The following SEZ6L variants were observed in gnomAD, a reference collection of about 807,000 sequenced individuals.
The protein encoded by SEZ6L is seizure related 6 homolog like, also known as seizure 6-like protein.
A neutral mutation model predicts 106.2 loss-of-function variants in SEZ6L; 37 were observed. The ratio of observed to expected loss-of-function variants is 0.35; its 90% CI spans 0.27 to 0.46. SEZ6L has a LOEUF of 0.46. Ranked by LOEUF, SEZ6L falls within the 20% of genes least tolerant of loss-of-function variation. The probability of loss-of-function intolerance (pLI) is 1.00; values close to 1 mark genes in which losing one functional copy is unlikely to be tolerated. For synonymous variants in SEZ6L, 541 were observed against 570.4 expected (o/e 0.95, Z 0.73); for missense variants, 1,172 against 1,332.8 (o/e 0.88, Z 1.88).
intron 9 of SEZ6L, among the ~76,000 whole-genome samples, chr22:26,326,503 G>A (rs147929371): frequency 0.013 from 1,993 of 152,226 alleles, 40 homozygotes; most frequent in African/African-American, 0.044. Context: ...TTCTGAGCAC[G>A]TTACCTCTTA....
intron 1 of SEZ6L, among the ~76,000 whole-genome samples, chr22:26,266,398 A>C (rs2080181338): frequency 7.6e-6 from 1 of 131,502 alleles, no homozygotes; most frequent in Non-Finnish European, 1.6e-5. Flanking sequence ...GTCTCTACTA[A>C]AAAAAAAAAA....
intron 9 of SEZ6L, among the ~76,000 whole-genome samples, chr22:26,320,752 TCTAAG>T (rs1601492363): frequency 1.3e-5 from 2 of 152,192 alleles, no homozygotes; most frequent in East Asian, 3.9e-4. Flanking sequence ...AACAGTAAAG[TCTAAG>T]TCAGTTTTTC....
chr22:26,332,608 G>C (rs770984534), intron 9 of SEZ6L, among the ~76,000 whole-genome samples: 1 of 151,964 alleles, frequency 6.6e-6, no homozygotes, highest in East Asian at 1.9e-4. Context: ...CACCGTGCCC[G>C]GCTAATGTTT....
intron 1 of SEZ6L, among the ~76,000 whole-genome samples, chr22:26,199,363 A>G (rs1409107854): frequency 6.6e-6 from 1 of 152,176 alleles, no homozygotes; most frequent in African/African-American, 2.4e-5. Context: ...TGTTTTTTTC[A>G]GAATAGAAAG....
chr22:26,303,262 T>A (rs1238630394), intron 5 of SEZ6L, among the ~76,000 whole-genome samples: 1 of 152,192 alleles, frequency 6.6e-6, no homozygotes, highest in African/African-American at 2.4e-5. Flanking sequence ...TTGCTGTAGG[T>A]CACAACACAG....
intron 16 of SEZ6L, among the ~76,000 whole-genome samples, chr22:26,380,006 A>C (rs1457691500): frequency 6.6e-6 from 1 of 152,200 alleles, no homozygotes; most frequent in Non-Finnish European, 1.5e-5. Context: ...AAGAGACTAA[A>C]GCCTACCAGG....
intron 11 of SEZ6L, among the ~76,000 whole-genome samples, chr22:26,349,270 A>G (rs1205688189): frequency 6.6e-6 from 1 of 152,194 alleles, no homozygotes; most frequent in Non-Finnish European, 1.5e-5. Context: ...CTCCCCATAG[A>G]AGTCACTGGA....
At chr22:26,261,160 A>G (rs1017311125) in intron 1 of SEZ6L, among the ~76,000 whole-genome samples, 1 of 152,130 alleles carries the variant, frequency 6.6e-6, no homozygotes. Flanking sequence ...TAGAGTGTGA[A>G]GATTTTCTCT....
intron 1 of SEZ6L, among the ~76,000 whole-genome samples, chr22:26,218,719 C>A (rs980033585): frequency 7.3e-5 from 11 of 151,168 alleles, no homozygotes; most frequent in Non-Finnish European, 1.6e-4. Context: ...GGTGGATCAC[C>A]TGAGGTCAGG....
At chr22:26,247,206 G>A (rs1010770290) in intron 1 of SEZ6L, among the ~76,000 whole-genome samples, 1 of 152,108 alleles carries the variant, frequency 6.6e-6, no homozygotes, top group Admixed American at 6.6e-5. Flanking sequence ...TCCCAATGAT[G>A]TTATTAAGAA....
intron 1 of SEZ6L, among the ~76,000 whole-genome samples, chr22:26,255,648 C>T (rs1326059739): frequency 6.6e-6 from 1 of 152,206 alleles, no homozygotes; most frequent in African/African-American, 2.4e-5. Flanking sequence ...TCCCAGCTCA[C>T]AGTTGCTGGG....
intron 1 of SEZ6L, among the ~76,000 whole-genome samples, chr22:26,174,325 A>C (rs1938828310): frequency 6.6e-6 from 1 of 152,098 alleles, no homozygotes; most frequent in South Asian, 2.1e-4. Context: ...TGAAGGCTTC[A>C]CTCTCAGAAC....
chr22:26,342,543 A>AC (rs972030203), intron 10 of SEZ6L, among the ~76,000 whole-genome samples: 6 of 151,468 alleles, frequency 4.0e-5, no homozygotes, highest in Non-Finnish European at 8.8e-5. Flanking sequence ...CAAAAAAAAA[A>AC]ACATTAGCTG....
chr22:26,380,104 C>T (rs2084366208), intron 16 of SEZ6L, among the ~76,000 whole-genome samples, 162 bp from the exon 17 acceptor site: 1 of 152,214 alleles, frequency 6.6e-6, no homozygotes, highest in Non-Finnish European at 1.5e-5. Context: ...ACGCCATTTC[C>T]TTATAACCCA....
chr22:26,276,757 C>G (rs973362434), intron 1 of SEZ6L, among the ~76,000 whole-genome samples: 1 of 151,988 alleles, frequency 6.6e-6, no homozygotes, highest in Non-Finnish European at 1.5e-5. Context: ...CCATGAGATG[C>G]GAAAGCAGTG....
At position 26,375,494 on chromosome 22, in the gene SEZ6L, G is replaced by T. The variant is rs1222684303; in HGVS notation, c.2828-81G>T. 5.4e-6 allele frequency: 6 copies of T among 1,114,776 alleles called. No homozygotes were observed. The Admixed American group carries it at 5.4e-5, about 10-fold the overall frequency. The allele number at this position is 1,114,776 out of a possible 1,614,324, so 69.1% of individuals were successfully genotyped here. ...TAGACCTTGGAAAGCCGTCTCCAAA[G>T]GGGTGGAGAACTGGGCAGTTGGGCA... On this transcript the variant is annotated intron_variant, in intron 14 of 16. Transcript: ENST00000248933.
intron 9 of SEZ6L, among the ~76,000 whole-genome samples, chr22:26,338,766 C>A (rs1361803647): frequency 6.6e-6 from 1 of 151,770 alleles, no homozygotes; most frequent in Non-Finnish European, 1.5e-5. Context: ...CCATGTTGGC[C>A]AGAATGGTTT....
At chr22:26,313,739 C>T (rs1250194595) in intron 8 of SEZ6L, 25 bp from the exon 9 acceptor site, 1 of 1,595,562 alleles carries the variant, frequency 6.3e-7, no homozygotes, top group East Asian at 2.3e-5. Context: ...TAAAGTCCGT[C>T]TTCTTGCCTG....
chr22:26,282,836 A>G (rs1179885823), intron 1 of SEZ6L, among the ~76,000 whole-genome samples: 1 of 152,222 alleles, frequency 6.6e-6, no homozygotes, highest in African/African-American at 2.4e-5. Flanking sequence ...CAGGGTAAAT[A>G]GGTTCAGATT....
Sources: allele counts gnomAD v4.1 joint callset (sites outside exome capture counted in the v4.1 genomes callset), GRCh38; gene constraint gnomAD v4.1.1; transcripts MANE v1.5; gene names NCBI Gene and HGNC (gene_info 2026-07-23, HGNC 2026-07-21).